Variants in ASPRV1 observed in about 807,000 individuals in gnomAD.
The protein encoded by ASPRV1 is aspartic peptidase retroviral like 1, also known as retroviral-like aspartic protease 1.
In ASPRV1, 7 loss-of-function variants were observed where a neutral mutation model predicts 11.0. The observed-to-expected ratio is 0.64, with a 90% CI of 0.36 to 1.20. The LOEUF (loss-of-function observed/expected upper bound fraction) is 1.20. Among genes scored for constraint, ASPRV1 ranks in the 50% most tolerant of loss-of-function variants. The probability of loss-of-function intolerance (pLI) is 0.02; values close to 1 mark genes in which losing one functional copy is unlikely to be tolerated. For missense variants in ASPRV1, 299 were observed against 320.0 expected (o/e 0.93, Z 0.50); for synonymous variants, 136 against 138.4 (o/e 0.98, Z 0.12).
the ASPRV1 span, among the ~76,000 whole-genome samples, chr2:70,076,015 C>G: frequency 2.6e-5 from 4 of 152,166 alleles, no homozygotes; most frequent in African/African-American, 9.7e-5. Flanking sequence ...CTCCATTTCC[C>G]GGTCCAGGGA....
the ASPRV1 span, among the ~76,000 whole-genome samples, chr2:70,079,514 G>A: frequency 6.6e-6 from 1 of 152,090 alleles, no homozygotes; most frequent in African/African-American, 2.4e-5. Flanking sequence ...GGAAAAGAGT[G>A]TAGACAGAGA....
chr2:70,042,388 C>G, the ASPRV1 span, among the ~76,000 whole-genome samples: 1 of 152,216 alleles, frequency 6.6e-6, no homozygotes, highest in South Asian at 2.1e-4. Context: ...AGCCTAGATG[C>G]AAGAAAAGGC....
At chr2:69,978,889 CT>C in the ASPRV1 span, among the ~76,000 whole-genome samples, 1 of 150,650 alleles carries the variant, frequency 6.6e-6, no homozygotes, top group African/African-American at 2.4e-5. Flanking sequence ...GAGGCCATAT[CT>C]TCATATTTCT....
the ASPRV1 span, among the ~76,000 whole-genome samples, chr2:70,040,120 T>C: frequency 6.6e-6 from 1 of 152,298 alleles, no homozygotes; most frequent in South Asian, 2.1e-4. Flanking sequence ...GAGAAAAATC[T>C]AGGTGGAGGA....
the ASPRV1 span, among the ~76,000 whole-genome samples, chr2:70,075,476 G>A: frequency 7.2e-5 from 11 of 151,986 alleles, no homozygotes; most frequent in Admixed American, 5.2e-4. Context: ...TCTATAAAAC[G>A]GGGATAAGAG....
At chr2:69,955,048 G>A in the ASPRV1 span, among the ~76,000 whole-genome samples, 1 of 152,218 alleles carries the variant, frequency 6.6e-6, no homozygotes, top group Non-Finnish European at 1.5e-5. Flanking sequence ...ACAGTGAAAA[G>A]CATAACAGCT....
the ASPRV1 span, chr2:70,000,676 G>C: frequency 6.7e-6 from 1 of 149,522 alleles, no homozygotes; most frequent in African/African-American, 2.5e-5. Flanking sequence ...TATAGTCCCA[G>C]TTACTTGGGA....
the ASPRV1 span, chr2:70,053,885 T>C: frequency 6.6e-6 from 1 of 152,238 alleles, no homozygotes; most frequent in African/African-American, 2.4e-5. Flanking sequence ...GAGGAACCTC[T>C]TTCTCTCTCC....
the ASPRV1 span, among the ~76,000 whole-genome samples, chr2:69,934,482 T>G: frequency 1.3e-3 from 201 of 152,288 alleles, no homozygotes; most frequent in Non-Finnish European, 2.3e-3. Context: ...TCCGTGCCAT[T>G]GCATCAGTCT....
At chr2:69,949,073 G>A in the ASPRV1 span, among the ~76,000 whole-genome samples, 2 of 152,114 alleles carry the variant, frequency 1.3e-5, no homozygotes, top group Non-Finnish European at 2.9e-5. Context: ...CTTTCTATCC[G>A]CTGTCCGCGC....
the ASPRV1 span, among the ~76,000 whole-genome samples, chr2:69,966,827 C>T: frequency 1.3e-5 from 2 of 152,184 alleles, no homozygotes; most frequent in African/African-American, 4.8e-5. Context: ...TGTGTCTTTT[C>T]AATCAACTGC....
the ASPRV1 span, among the ~76,000 whole-genome samples, chr2:69,975,017 G>A: frequency 5.3e-5 from 8 of 152,194 alleles, no homozygotes; most frequent in Non-Finnish European, 7.3e-5. Flanking sequence ...TCCCAGAGCC[G>A]ACTGTGGGTC....
At chr2:70,081,579 CTTTA>C in the ASPRV1 span, 3 of 151,874 alleles carry the variant, frequency 2.0e-5, no homozygotes, top group Admixed American at 6.6e-5. Flanking sequence ...TCAATTTACT[CTTTA>C]TTTTTTATTT....
chr2:69,997,646 C>T, the ASPRV1 span, among the ~76,000 whole-genome samples: 13 of 152,208 alleles, frequency 8.5e-5, no homozygotes, highest in African/African-American at 2.7e-4. Context: ...TGGCAGGGGC[C>T]GCCTGCTGGC....
At position 69,961,093 on chromosome 2, in the gene ASPRV1, T is replaced by C. The variant is rs1678079686; in HGVS notation, c.344A>G (p.Lys115Arg). The C allele has an allele frequency of 6.2e-7, 1 of 1,613,870 alleles. No individual in the cohort carries two copies. The highest frequency in any genetic ancestry group is 1.3e-5 in the African/African-American group (1 of 74,974). The change falls in exon 1 of 1, where the codon AAG (lysine) becomes AGG (arginine). Residue 115 changes from lysine (K) to arginine (R), a missense_variant. Lys to Arg is a conservative substitution (Grantham distance 26). Transcript: ENST00000320256. ...ANSMGKGYYL[K>R]GKIGKVPVRF... ...CACGGGCACTTTGCCAATCTTCCCCTTGAGATAGTAGCCCTTACCCATGCT... is the reference window on the plus strand; with the variant it reads ...CACGGGCACTTTGCCAATCTTCCCCCTGAGATAGTAGCCCTTACCCATGCT...
the ASPRV1 span, among the ~76,000 whole-genome samples, chr2:70,061,111 A>G: frequency 7.9e-5 from 12 of 151,998 alleles, no homozygotes; most frequent in Non-Finnish European, 1.6e-4. Context: ...AAGGCAAAGG[A>G]CAGGCCGGGC....
At chr2:70,084,591 C>G in the ASPRV1 span, among the ~76,000 whole-genome samples, 1 of 152,282 alleles carries the variant, frequency 6.6e-6, no homozygotes, top group Admixed American at 6.5e-5. Context: ...GCGGTCACAA[C>G]TTATTAATGG....
At chr2:70,036,130 A>C in the ASPRV1 span, among the ~76,000 whole-genome samples, 2 of 151,896 alleles carry the variant, frequency 1.3e-5, no homozygotes, top group Admixed American at 1.3e-4. Flanking sequence ...AAAGAGGGGC[A>C]GACAGAGCAA....
At chr2:69,962,772 G>A (rs753947310), upstream of ASPRV1, 12 of 166,856 alleles carry the variant, frequency 7.2e-5, no homozygotes, top group East Asian at 6.1e-4. Flanking sequence ...CGTGTTTTAC[G>A]GTGTGATCTG....
Sources: allele counts gnomAD v4.1 joint callset (sites outside exome capture counted in the v4.1 genomes callset), GRCh38; gene constraint gnomAD v4.1.1; transcripts MANE v1.5; gene names NCBI Gene and HGNC (gene_info 2026-07-23, HGNC 2026-07-21).